The following HACD3 variants were observed in gnomAD, a reference collection of about 807,000 sequenced individuals.
HACD3 encodes the protein 3-hydroxyacyl-CoA dehydratase 3.
Under a neutral mutation model 55.2 loss-of-function variants are expected in HACD3, and 30 were observed. That is an observed-to-expected ratio of 0.54 (90% confidence interval 0.41 to 0.74). The LOEUF (loss-of-function observed/expected upper bound fraction) is 0.74, where lower values mean the gene tolerates loss of function less well. HACD3 is among the 30% of genes least tolerant of loss of function. HACD3 has a pLI of 0.00. For missense variants in HACD3, 363 were observed against 440.1 expected, an observed-to-expected ratio of 0.82 and a Z score of 1.57; for synonymous variants, 141 against 151.7, an observed-to-expected ratio of 0.93 and a Z score of 0.52.
At chr15:65,550,895 AAAAGTGTT>A (rs201088450) in intron 1 of HACD3, 2 of 152,362 alleles carry the variant, frequency 1.3e-5, no homozygotes, top group East Asian at 3.9e-4. Context: ...ATCCACTGGA[AAAAGTGTT>A]AAGTAGTTTC....
In HACD3 at chr15:65,562,992, G is replaced by A. The variant is rs932153425; in HGVS notation, c.532+108G>A. On this transcript the variant is annotated intron_variant, in intron 6 of 10. Transcript: ENST00000261875. ...GATGTTAATAATAACCCCTGCATTT[G>A]TGCAGCACCCTCTACTTTTCGTTGT... is the stretch of plus-strand genomic sequence containing the variant. The A allele has an allele frequency of 8.1e-6, 12 of 1,480,046 alleles. No individual in the cohort carries two copies. In the African/African-American group the frequency reaches 1.4e-4, roughly 17 times the overall value. The allele number at this position is 1,480,046 out of a possible 1,614,324, so 91.7% of individuals were successfully genotyped here.
At chr15:65,549,311 G>GC (rs2072107959) in intron 1 of HACD3, among the ~76,000 whole-genome samples, 1 of 151,878 alleles carries the variant, frequency 6.6e-6, no homozygotes, top group Non-Finnish European at 1.5e-5. Context: ...AACCCAGCCT[G>GC]GTGCGGTGGC....
At chr15:65,564,620 G>A in intron 7 of HACD3, 1 of 324,474 alleles carries the variant, frequency 3.1e-6, no homozygotes, top group Non-Finnish European at 5.7e-6. Context: ...GATCTCGTGA[G>A]ACTTATTCAC....
intron 1 of HACD3, among the ~76,000 whole-genome samples, chr15:65,534,067 A>G (rs1307072260): frequency 6.6e-6 from 1 of 151,060 alleles, no homozygotes; most frequent in Non-Finnish European, 1.5e-5. Context: ...AAAAAAAAAG[A>G]AAAGAAACCA....
At chr15:65,536,110 A>T (rs1456196379) in intron 1 of HACD3, among the ~76,000 whole-genome samples, 2 of 152,254 alleles carry the variant, frequency 1.3e-5, no homozygotes, top group African/African-American at 4.8e-5. Flanking sequence ...TCCGCCTCCC[A>T]GCCTCAAGTG....
In HACD3 at chr15:65,571,528, G is replaced by A. The variant is rs752462124; in HGVS notation, c.774-20G>A. The A allele has an allele frequency of 1.1e-5, 18 of 1,582,726 alleles. No individual in the cohort carries two copies. The African/African-American group carries it at 2.0e-4, about 18-fold the overall frequency. On this transcript the variant is annotated intron_variant, in intron 8 of 10. Coordinates refer to ENST00000261875, the MANE Select transcript of HACD3 (RefSeq NM_016395.4). ...GAACCTGAAGTGGCTTTTCACATTG[G>A]AATCATTTATTTTCAATAGGTACTC... is the stretch of plus-strand genomic sequence containing the variant.
In HACD3 at chr15:65,577,079, A is replaced by G. The variant is rs529564373; in HGVS notation, c.*700A>G. 1.3e-5 allele frequency: 2 copies of G among 152,320 alleles called. No homozygotes were observed. The highest frequency in any genetic ancestry group is 4.8e-5 in the African/African-American group (2 of 41,566). 9.4% of individuals were successfully genotyped at this position (152,320 alleles called of 1,614,324 possible). A position where few individuals can be genotyped will look rare whatever the true frequency, so the allele number is the denominator to read the frequency against. On this transcript the variant is annotated 3_prime_UTR_variant, in exon 11 of 11. Coordinates refer to ENST00000261875, the MANE Select transcript of HACD3 (RefSeq NM_016395.4). The stretch of plus-strand genomic sequence containing the variant: ...CATGCCATTCTTAAGTAAATCAACT[A>G]TTTTCAACACTGAAGAAAAATGAAA...
In HACD3 at chr15:65,556,812, T is replaced by C. The variant is rs1484039359; in HGVS notation, c.278T>C (p.Leu93Pro). The C allele has an allele frequency of 3.7e-6, 6 of 1,612,230 alleles. No homozygotes were observed. In the East Asian group the frequency reaches 6.7e-5, roughly 18 times the overall value. Residue 93 changes from leucine (L) to proline (P), a missense_variant, in exon 4 of 11, where the codon CTC (leucine) becomes CCC (proline). Physicochemically the swap from Leu to Pro is moderately conservative, Grantham distance 98 (BLOSUM62 -3). Coordinates refer to ENST00000261875, the MANE Select transcript of HACD3 (RefSeq NM_016395.4). The part of the protein sequence containing the change: ...QKKVSQWWER[L>P]TKQEKRPLFL... The stretch of plus-strand genomic sequence containing the variant: ...AAAGTGAGTCAGTGGTGGGAGAGAC[T>C]CACAAAGCAGGAAAAGCGACCACTG...
At chr15:65,571,527 G>A in intron 8 of HACD3, 21 bp from the exon 9 acceptor site, 1 of 1,579,350 alleles carries the variant, frequency 6.3e-7, no homozygotes, top group Admixed American at 1.7e-5. Context: ...TTTTCACATT[G>A]GAATCATTTA....
At chr15:65,533,904 T>C (rs964129150) in intron 1 of HACD3, among the ~76,000 whole-genome samples, 1 of 151,644 alleles carries the variant, frequency 6.6e-6, no homozygotes, top group African/African-American at 2.4e-5. Flanking sequence ...ACAAAAAAAT[T>C]AGCCAGGCGT....
intron 1 of HACD3, among the ~76,000 whole-genome samples, chr15:65,531,837 A>C (rs1339148137): frequency 2.0e-5 from 3 of 152,040 alleles, no homozygotes; most frequent in African/African-American, 7.2e-5. Flanking sequence ...AAGTGCTGGG[A>C]TTACAGGCAT....
intron 1 of HACD3, among the ~76,000 whole-genome samples, chr15:65,532,298 C>T (rs751834417): frequency 2.6e-5 from 4 of 151,940 alleles, no homozygotes; most frequent in African/African-American, 4.8e-5. Flanking sequence ...TCAAAGTCCC[C>T]GTCTAGAGAG....
At chr15:65,555,015 G>C in intron 3 of HACD3, 55 bp downstream of exon 3, 1 of 1,359,018 alleles carries the variant, frequency 7.4e-7, no homozygotes, top group Non-Finnish European at 1.1e-6. Flanking sequence ...AATACCAGTA[G>C]TTTAGTGAAA....
At chr15:65,573,522 C>T (rs1244204490) in intron 10 of HACD3, among the ~76,000 whole-genome samples, 9 of 151,572 alleles carry the variant, frequency 5.9e-5, no homozygotes, top group Admixed American at 4.6e-4. Flanking sequence ...GCAGGAGAAT[C>T]GCTTGAACCC....
intron 2 of HACD3, among the ~76,000 whole-genome samples, chr15:65,553,491 C>G (rs1262728683): frequency 2.0e-5 from 3 of 152,128 alleles, no homozygotes; most frequent in Non-Finnish European, 2.9e-5. Flanking sequence ...GCTCTCTGTT[C>G]CAGTTCCTGG....
chr15:65,530,608 C>T lies in HACD3; in HGVS notation c.-24C>T, dbSNP rs949856058. The stretch of plus-strand genomic sequence containing the variant: ...CAGCGAGGCGCAGCGAGCCTAGCCT[C>T]CCCGCGCCCTGGGCAGTGTGGCCAT... On this transcript the variant is annotated 5_prime_UTR_variant, in exon 1 of 11. Transcript: ENST00000261875. 2.6e-6 allele frequency: 4 copies of T among 1,556,584 alleles called. No homozygotes were observed. The highest frequency in any genetic ancestry group is 1.2e-5 in the South Asian group (1 of 83,828).
intron 1 of HACD3, among the ~76,000 whole-genome samples, chr15:65,542,418 C>T (rs1027019865): frequency 3.3e-5 from 5 of 151,808 alleles, no homozygotes; most frequent in African/African-American, 9.7e-5. Flanking sequence ...CACATGCCAT[C>T]ACGCCAGGCT....
At chr15:65,551,804 TCTTA>T (rs745796000) in intron 2 of HACD3, 86 bp downstream of exon 2, 18 of 1,509,402 alleles carry the variant, frequency 1.2e-5, no homozygotes, top group Non-Finnish European at 1.5e-5. Context: ...AATGTATTTG[TCTTA>T]CTTGTTTTTT....
At chr15:65,554,632 G>A (rs2072169324) in intron 2 of HACD3, among the ~76,000 whole-genome samples, 1 of 152,098 alleles carries the variant, frequency 6.6e-6, no homozygotes, top group Admixed American at 6.5e-5. Context: ...AAAATTATCT[G>A]GGCATGGTGG....
Sources: allele counts gnomAD v4.1 joint callset (sites outside exome capture counted in the v4.1 genomes callset), GRCh38; gene constraint gnomAD v4.1.1; transcripts MANE v1.5; gene names NCBI Gene and HGNC (gene_info 2026-07-23, HGNC 2026-07-21).